The following NUDT1 variants were observed in gnomAD, a reference collection of about 807,000 sequenced individuals.
NUDT1 encodes the protein oxidized purine nucleoside triphosphate hydrolase.
NUDT1 carries 16 observed loss-of-function variants against 11.3 expected under a neutral mutation model. That is an observed-to-expected ratio of 1.41 (90% CI 0.96 to 2.15). NUDT1 has a LOEUF of 2.15. NUDT1 is among the 30% of genes most tolerant of loss of function. NUDT1 has a pLI of 0.00. For missense variants in NUDT1, 234 were observed against 208.4 expected (o/e 1.12, Z -0.76); for synonymous variants, 101 against 84.4 (o/e 1.20, Z -1.08).
chr7:2,246,941 GA>G (rs1287174284), intron 2 of NUDT1, among the ~76,000 whole-genome samples: 3 of 152,180 alleles, frequency 2.0e-5, no homozygotes, highest in South Asian at 2.1e-4. Flanking sequence ...AAGAAAGAAA[GA>G]AAAAAATCCT....
chr7:2,243,674 G>C (rs1201486401), intron 1 of NUDT1, among the ~76,000 whole-genome samples: 2 of 152,244 alleles, frequency 1.3e-5, no homozygotes, highest in Non-Finnish European at 2.9e-5. Flanking sequence ...GTGGGATGCT[G>C]AGGCAGGAGG....
intron 1 of NUDT1, among the ~76,000 whole-genome samples, chr7:2,244,227 T>G (rs1794674819): frequency 6.6e-6 from 1 of 152,110 alleles, no homozygotes. Flanking sequence ...AGGGGGTTCC[T>G]GGGGGTAGAC....
chr7:2,242,268 G>A lies in NUDT1; in HGVS notation c.-13+12G>A. The A allele has an allele frequency of 5.6e-6, 7 of 1,241,590 alleles. No homozygotes were observed. The highest frequency in any genetic ancestry group is 3.2e-5 in the African/African-American group (2 of 63,224). The allele number at this position is 1,241,590 out of a possible 1,614,324, so 76.9% of individuals were successfully genotyped here. A position where few individuals can be genotyped will look rare whatever the true frequency, so the allele number is the denominator to read the frequency against. On this transcript the variant is annotated intron_variant, in intron 1 of 3. Coordinates refer to ENST00000356714, the MANE Select transcript of NUDT1 (RefSeq NM_002452.4). ...AAGCGGCGGTGCAGGTACGAAAAGC[G>A]CGCGCGGGGATTCCAGGAGTCGTGG... is the stretch of plus-strand genomic sequence containing the variant.
chr7:2,243,866 C>T (rs975420902), intron 1 of NUDT1, among the ~76,000 whole-genome samples: 1 of 151,120 alleles, frequency 6.6e-6, no homozygotes, highest in African/African-American at 2.5e-5. Flanking sequence ...CCCTCAGAGT[C>T]CTCTGGACCT....
chr7:2,250,060 G>T, intron 3 of NUDT1, 58 bp downstream of exon 3: 2 of 1,600,334 alleles, frequency 1.2e-6, no homozygotes, highest in Non-Finnish European at 1.7e-6. Flanking sequence ...CTCCTGGCTG[G>T]GAGAAAGGCC....
chr7:2,249,386 C>G (rs1235703287), intron 2 of NUDT1: 3 of 223,832 alleles, frequency 1.3e-5, no homozygotes, highest in Non-Finnish European at 2.7e-5. Flanking sequence ...GTTCCCAGAG[C>G]AAGCGTCCCA....
chr7:2,242,978 G>C (rs901032055), intron 1 of NUDT1: 7 of 716,362 alleles, frequency 9.8e-6, no homozygotes, highest in Non-Finnish European at 1.8e-5. Context: ...CTTGGAGAGT[G>C]AGTGCAAGGT....
chr7:2,244,466 C>CCCA, intron 1 of NUDT1, 97 bp from the exon 2 acceptor site: 3 of 1,000,638 alleles, frequency 3.0e-6, no homozygotes, highest in Non-Finnish European at 4.2e-6. Flanking sequence ...CCCCGCCCCC[C>CCCA]ACTGCCTCCC....
At chr7:2,250,079 A>C (rs1348997458) in intron 3 of NUDT1, 77 bp downstream of exon 3, 1 of 1,582,260 alleles carries the variant, frequency 6.3e-7, no homozygotes, top group Non-Finnish European at 8.6e-7. Flanking sequence ...CCATCCGCCC[A>C]AACCATCTCT....
At chr7:2,243,157 G>C in intron 1 of NUDT1, 1 of 596,356 alleles carries the variant, frequency 1.7e-6, no homozygotes, top group South Asian at 2.1e-5. Flanking sequence ...CTGTTGGTGT[G>C]CTTTCCACGT....
At position 2,249,854 on chromosome 7, in the gene NUDT1, C is replaced by G. The variant is rs1398806340; in HGVS notation, c.153-3C>G. 1 of 1,613,196 alleles carries G rather than the reference C, an allele frequency of 6.2e-7. No homozygotes were observed. Among genetic ancestry groups the G allele is most frequent in the Non-Finnish European group, 8.5e-7 (1 of 1,180,032 alleles). On this transcript the variant is annotated splice_polypyrimidine_tract_variant and splice_region_variant and intron_variant, in intron 2 of 3. Transcript: ENST00000356714. ...TCCCTCCCCTGCCCACCTCTGCCCG[C>G]AGGGAGCTGCAGGAGGAGAGCGGTC...
At chr7:2,248,564 T>G (rs1239470574) in intron 2 of NUDT1, among the ~76,000 whole-genome samples, 1 of 135,864 alleles carries the variant, frequency 7.4e-6, no homozygotes, top group Non-Finnish European at 1.6e-5. Flanking sequence ...TTTTTTTTTT[T>G]TTTTTAAGAC....
At chr7:2,249,410 C>T (rs1794890603) in intron 2 of NUDT1, 1 of 236,474 alleles carries the variant, frequency 4.2e-6, no homozygotes, top group South Asian at 5.4e-5. Context: ...CCCCGGCGGT[C>T]GTAACTACCG....
chr7:2,242,338 G>A, intron 1 of NUDT1, 82 bp downstream of exon 1: 1 of 615,454 alleles, frequency 1.6e-6, no homozygotes, highest in Non-Finnish European at 2.7e-6. Context: ...GGAGACTAGG[G>A]GAGCTGAGCC....
In NUDT1 at chr7:2,250,550, C is replaced by T. The variant is rs578194446; in HGVS notation, c.299-279C>T. On this transcript the variant is annotated intron_variant, in intron 3 of 3. Transcript: ENST00000356714. The stretch of plus-strand genomic sequence containing the variant: ...TCGGCTCACTGCAAGCTCCACCTCC[C>T]AGGTTCACACCATTCTCCTGCCTCA... 3.3e-5 allele frequency among the ~76,000 whole-genome samples: 5 copies of T among 152,336 alleles called. No individual in the cohort carries two copies. In the South Asian group the frequency reaches 1.0e-3, roughly 32 times the overall value.
intron 2 of NUDT1, among the ~76,000 whole-genome samples, chr7:2,245,946 C>G (rs1009280561): frequency 1.3e-5 from 2 of 152,136 alleles, no homozygotes; most frequent in Non-Finnish European, 2.9e-5. Flanking sequence ...GCTTGGGACC[C>G]CAGACCGCAG....
intron 2 of NUDT1, 78 bp downstream of exon 2, chr7:2,244,804 GT>G (rs1303708559): frequency 2.6e-6 from 4 of 1,527,374 alleles, no homozygotes; most frequent in Non-Finnish European, 2.7e-6. Context: ...CACACCCTTG[GT>G]TTCACCACTA....
intron 1 of NUDT1, among the ~76,000 whole-genome samples, chr7:2,244,039 A>G (rs955407699): frequency 3.9e-5 from 6 of 152,180 alleles, no homozygotes; most frequent in African/African-American, 1.4e-4. Context: ...ACCTGTGTCT[A>G]CAGCCACACA....
chr7:2,247,826 C>T (rs1425498368), intron 2 of NUDT1, among the ~76,000 whole-genome samples: 1 of 152,230 alleles, frequency 6.6e-6, no homozygotes, highest in East Asian at 1.9e-4. Context: ...CAATATCCCA[C>T]TGGGAGGTGA....
Sources: gnomAD v4.1 joint callset for allele counts (sites outside exome capture counted in the v4.1 genomes callset) on GRCh38, gnomAD v4.1.1 for gene constraint, MANE v1.5 for transcripts, NCBI Gene and HGNC (gene_info 2026-07-23, HGNC 2026-07-21) for gene names.